Variants in CLTC observed in about 807,000 individuals in gnomAD.
CLTC encodes clathrin heavy chain 1.
In CLTC, 16 loss-of-function variants were observed where a neutral mutation model predicts 195.8. That is an observed-to-expected ratio of 0.08 (90% CI 0.06 to 0.12). CLTC has a LOEUF of 0.12. CLTC is among the 10% of genes least tolerant of loss of function. CLTC has a pLI of 1.00. For synonymous variants in CLTC, 667 were observed against 689.4 expected, an observed-to-expected ratio of 0.97 and a Z score of 0.51; for missense variants, 796 against 2,027.0, an observed-to-expected ratio of 0.39 and a Z score of 11.66.
Position 59,647,494 on chromosome 17 carries a change from T to G in CLTC, c.347T>G (p.Leu116Trp). The G allele has an allele frequency of 6.2e-7, 1 of 1,614,178 alleles. No individual in the cohort carries two copies. The highest frequency in any genetic ancestry group is 8.5e-7 in the Non-Finnish European group (1 of 1,180,014). The change falls in exon 3 of 32, where the codon TTG becomes TGG. Residue 116 changes from leucine to tryptophan, a missense_variant. Coordinates refer to ENST00000269122, the MANE Select transcript of CLTC (RefSeq NM_004859.4). ...DDVTFWKWISLNTVALVTDNA... is the reference protein window; with the variant it reads ...DDVTFWKWISWNTVALVTDNA... ...GTCACCTTTTGGAAATGGATCTCTTTGAATACGGTTGCTCTTGTTACGGAT... is the reference window on the plus strand; with the variant it reads ...GTCACCTTTTGGAAATGGATCTCTTGGAATACGGTTGCTCTTGTTACGGAT...
At chr17:59,620,233 G>A in intron 1 of CLTC, 60 bp downstream of exon 1, 1 of 1,585,060 alleles carries the variant, frequency 6.3e-7, no homozygotes, top group Non-Finnish European at 8.7e-7. Flanking sequence ...GATGGAAGAC[G>A]CTGGAGTCTG....
At position 59,624,454 on chromosome 17, in the gene CLTC, C is replaced by CTTTTTTTT. The variant is rs5821272; in HGVS notation, c.42+4299_42+4306dup. Among the ~76,000 whole-genome samples the CTTTTTTTT allele has an allele frequency of 5.1e-5, 5 of 98,154 alleles. 1 individual carries two copies. Among genetic ancestry groups the CTTTTTTTT allele is most frequent in the Admixed American group, 2.3e-4 (2 of 8,730 alleles). The allele number at this position is 98,154 out of a possible 152,430, so 64.4% of individuals were successfully genotyped here. A position where few individuals can be genotyped will look rare whatever the true frequency, so the allele number is the denominator to read the frequency against. On this transcript the variant is annotated intron_variant, in intron 1 of 31. Coordinates refer to ENST00000269122, the MANE Select transcript of CLTC (RefSeq NM_004859.4). ...ATAGAAAAATAATATGAGCCACATACTTTTTTTTTTTTTTTTTTTTTTTTT... is the reference window on the plus strand; with the variant it reads ...ATAGAAAAATAATATGAGCCACATACTTTTTTTTTTTTTTTTTTTTTTTTTTTTTTTTT...
chr17:59,664,132 T>TA (rs1279127854), intron 9 of CLTC, 138 bp downstream of exon 9: 1 of 719,720 alleles, frequency 1.4e-6, no homozygotes. Flanking sequence ...AAAATTCTCT[T>TA]ACCCCTCATA....
intron 31 of CLTC, among the ~76,000 whole-genome samples, chr17:59,691,727 C>T (rs780276828): frequency 1.3e-5 from 2 of 150,238 alleles, no homozygotes; most frequent in Admixed American, 6.6e-5. Flanking sequence ...GGTTTTGTCT[C>T]CTTTTTACTG....
intron 17 of CLTC, among the ~76,000 whole-genome samples, chr17:59,677,953 A>G (rs989070783): frequency 1.3e-5 from 2 of 152,170 alleles, no homozygotes; most frequent in African/African-American, 4.8e-5. Context: ...CATCACTTCA[A>G]AAGGAAACCC....
At position 59,681,600 on chromosome 17, in the gene CLTC, G is replaced by A; in HGVS notation, c.3250-47G>A. The A allele has an allele frequency of 6.3e-7, 1 of 1,581,414 alleles. No individual in the cohort carries two copies. The highest frequency in any genetic ancestry group is 8.6e-7 in the Non-Finnish European group (1 of 1,158,218). On this transcript the variant is annotated intron_variant, in intron 20 of 31. Coordinates refer to ENST00000269122, the MANE Select transcript of CLTC (RefSeq NM_004859.4). This position sits in a 1 kb window ranked among gnomAD's most constrained non-coding sequence, Gnocchi z 5.0. ...AACAGCTTAAATGTAATTGCTTTGG[G>A]TAGGATTGATTTTACTCTAACCCTA...
At chr17:59,692,047 A>G (rs560130974) in intron 31 of CLTC, among the ~76,000 whole-genome samples, 74 of 152,226 alleles carry the variant, frequency 4.9e-4, no homozygotes, top group South Asian at 3.3e-3. Context: ...GGCTGGGTGC[A>G]GTGGCTCACG....
intron 10 of CLTC, among the ~76,000 whole-genome samples, chr17:59,665,180 G>A (rs1478630388): frequency 4.0e-5 from 6 of 151,574 alleles, no homozygotes; most frequent in Non-Finnish European, 8.8e-5. Context: ...AGCTATGATC[G>A]TGCCATTGGA....
Position 59,696,871 on chromosome 17 carries a change from C to G in CLTC, c.*3019C>G. Reference sequence around the variant, plus strand: ...AACTTTAATAGGCTGTGATTTAGAACCACTGCTGATTAACCTTTGGCCAGT... The same window carrying G: ...AACTTTAATAGGCTGTGATTTAGAAGCACTGCTGATTAACCTTTGGCCAGT... On this transcript the variant is annotated 3_prime_UTR_variant, in exon 32 of 32. Coordinates refer to ENST00000269122, the MANE Select transcript of CLTC (RefSeq NM_004859.4). 5.0e-6 allele frequency: 1 copy of G among 200,204 alleles called. No individual in the cohort carries two copies. Among genetic ancestry groups the G allele is most frequent in the African/African-American group, 2.3e-5 (1 of 43,602 alleles). 12.4% of individuals were successfully genotyped at this position (200,204 alleles called of 1,614,324 possible).
intron 13 of CLTC, among the ~76,000 whole-genome samples, chr17:59,667,311 T>G (rs2032753940): frequency 6.6e-6 from 1 of 152,160 alleles, no homozygotes; most frequent in African/African-American, 2.4e-5. Context: ...AGTCCAAAAC[T>G]TCTTGAGCAC....
intron 6 of CLTC, among the ~76,000 whole-genome samples, chr17:59,659,479 C>T (rs1291966041): frequency 6.8e-6 from 1 of 146,968 alleles, no homozygotes; most frequent in Non-Finnish European, 1.5e-5. Context: ...GAGACAGAGT[C>T]TCCCTCTGTT....
Position 59,668,779 on chromosome 17 carries a change from C to A in CLTC, c.2131C>A (p.Leu711Ile). 1 of 1,591,520 alleles carries A rather than the reference C, an allele frequency of 6.3e-7. No individual in the cohort carries two copies. Among genetic ancestry groups the A allele is most frequent in the South Asian group, 1.2e-5 (1 of 86,538 alleles). ...LFESFKSFEG[L>I]FYFLGSIVNF... ...TTGTAATTACTTGTTTCTTTAAGGT[C>A]TCTTTTATTTTCTGGGATCCATTGT... is the stretch of plus-strand genomic sequence containing the variant. Residue 711 changes from leucine to isoleucine, a missense_variant and splice_region_variant, in exon 14 of 32, where the codon CTC becomes ATC. By Grantham distance (5) the Leu-to-Ile change is conservative. Around this residue, in one of 9 missense-constraint regions of CLTC, gnomAD observed 19 missense variants for 35.7 expected, o/e 0.53. Transcript: ENST00000269122.
chr17:59,620,728 G>C (rs2031347488), intron 1 of CLTC, among the ~76,000 whole-genome samples: 1 of 152,064 alleles, frequency 6.6e-6, no homozygotes, highest in Non-Finnish European at 1.5e-5. Flanking sequence ...TGGTGGTGAG[G>C]CGGTGGCTTT....
At chr17:59,674,638 T>G in intron 15 of CLTC, 63 bp from the exon 16 acceptor site, 1 of 1,452,654 alleles carries the variant, frequency 6.9e-7, no homozygotes, top group Non-Finnish European at 9.3e-7. Context: ...ATAAATGCTT[T>G]TTTAAAATTC....
Position 59,679,414 on chromosome 17 carries a change from C to T in CLTC, c.2814C>T (p.Ser938=), listed in dbSNP as rs546600664. 1.2e-6 allele frequency: 2 copies of T among 1,603,118 alleles called. No individual in the cohort carries two copies. The highest frequency in any genetic ancestry group is 2.2e-5 in the East Asian group (1 of 44,560). ...TTCTTTAGGTTTGCAATGAGAATTC[C>T]CTCTTCAAAAGTCTTTCTCGCTACC... The part of the protein sequence containing the change: ...LELINVCNEN[S]LFKSLSRYLV... Residue 938 remains serine, a synonymous_variant, in exon 18 of 32, where the codon TCC becomes TCT. Coordinates refer to ENST00000269122, the MANE Select transcript of CLTC (RefSeq NM_004859.4).
intron 1 of CLTC, among the ~76,000 whole-genome samples, chr17:59,628,210 A>G (rs1193803643): frequency 6.6e-6 from 1 of 152,236 alleles, no homozygotes; most frequent in Non-Finnish European, 1.5e-5. Flanking sequence ...GTCACATTAA[A>G]AAACTCTGCA....
At chr17:59,644,522 T>G in intron 2 of CLTC, 39 bp downstream of exon 2, 1 of 1,504,956 alleles carries the variant, frequency 6.6e-7, no homozygotes, top group Non-Finnish European at 9.0e-7. Flanking sequence ...ACTCTTCCTA[T>G]GTTTTTGTTT....
intron 1 of CLTC, among the ~76,000 whole-genome samples, chr17:59,626,626 A>C (rs1181569894): frequency 6.6e-6 from 1 of 152,178 alleles, no homozygotes; most frequent in Non-Finnish European, 1.5e-5. Flanking sequence ...GTATATTAGA[A>C]TGAGGCTGTT....
At position 59,681,814 on chromosome 17, in the gene CLTC, A is replaced by G. The variant is rs148917750; in HGVS notation, c.3417A>G (p.Glu1139=). The change falls in exon 21 of 32, where the codon GAA becomes GAG. Residue 1139 remains glutamate, a synonymous_variant. Transcript: ENST00000269122. The surrounding 1 kb of genome is among the most constrained non-coding windows in gnomAD (Gnocchi z 5.0). The part of the protein sequence containing the change: ...IKADDPSSYM[E]VVQAANTSGN... ...CAGATGATCCTTCCTCCTACATGGA[A>G]GTTGTTCAGGCTGCCAATACTAGTG... 18 of 1,613,338 alleles carry G rather than the reference A, an allele frequency of 1.1e-5. 1 individual carries two copies. In the South Asian group the frequency reaches 1.5e-4, roughly 14 times the overall value.
Sources: gnomAD v4.1 joint callset for allele counts (sites outside exome capture counted in the v4.1 genomes callset) on GRCh38, gnomAD v4.1.1 for gene constraint, gnomAD v4.1.1 regional missense constraint, Gnocchi (gnomAD v3.1) non-coding constraint, MANE v1.5 for transcripts, NCBI Gene and HGNC (gene_info 2026-07-23, HGNC 2026-07-21) for gene names.